Variants in IPO7 observed in about 807,000 individuals in gnomAD.
The protein encoded by IPO7 is importin-7.
A neutral mutation model predicts 136.4 loss-of-function variants in IPO7; 13 were observed. The ratio of observed to expected loss-of-function variants is 0.10; its 90% CI spans 0.06 to 0.15. The LOEUF is 0.15. Among genes scored for constraint, IPO7 ranks in the 10% least tolerant of loss-of-function variants. The pLI is 1.00. For missense variants in IPO7, 857 were observed against 1,240.6 expected (o/e 0.69, Z 4.65); for synonymous variants, 403 against 404.4 (o/e 1.00, Z 0.04).
intron 1 of IPO7, among the ~76,000 whole-genome samples, chr11:9,386,786 ATTAAACTACTGTT>A (rs1306961640): frequency 6.6e-6 from 1 of 152,208 alleles, no homozygotes; most frequent in Admixed American, 6.5e-5. Flanking sequence ...TTACTTAACC[ATTAAACTACTGTT>A]TTGGAATACT....
intron 10 of IPO7, 56 bp from the exon 11 acceptor site, chr11:9,424,843 TTAAGCATGTTTTTTA>T: frequency 2.0e-6 from 2 of 978,948 alleles, no homozygotes; most frequent in Non-Finnish European, 3.2e-6. Context: ...TATGTAAAGA[TTAAGCATGTTTTTTA>T]ATGCTTTGTT....
At chr11:9,428,942 T>C in intron 13 of IPO7, 89 bp from the exon 14 acceptor site, 1 of 1,207,690 alleles carries the variant, frequency 8.3e-7, no homozygotes, top group Non-Finnish European at 1.2e-6. Context: ...AGCCTCCAAA[T>C]TCCCACACAC....
chr11:9,397,341 A>AAAAAAAAAAAAAAATATATATAT, intron 1 of IPO7, among the ~76,000 whole-genome samples: 22 of 10,756 alleles, frequency 2.0e-3, no homozygotes, highest in Non-Finnish European at 2.9e-3. Flanking sequence ...TTTAAAAAAA[A>AAAAAAAAAAAAAAATATATATAT]ATATATATAT....
intron 1 of IPO7, among the ~76,000 whole-genome samples, chr11:9,400,182 G>T (rs1243077087): frequency 1.3e-5 from 2 of 152,056 alleles, no homozygotes; most frequent in South Asian, 2.1e-4. Context: ...TTTTATTGTT[G>T]TATTGTTATT....
At chr11:9,440,687 C>G (rs768405003) in intron 23 of IPO7, 26 bp downstream of exon 23, 1 of 1,493,292 alleles carries the variant, frequency 6.7e-7, no homozygotes, top group East Asian at 2.3e-5. Flanking sequence ...ACATGTGGAT[C>G]CATTTCATTG....
chr11:9,434,861 A>T, intron 18 of IPO7, 73 bp from the exon 19 acceptor site: 1 of 1,045,576 alleles, frequency 9.6e-7, no homozygotes, highest in Non-Finnish European at 1.5e-6. Flanking sequence ...CCTTTTTCTA[A>T]GGAAATTTTT....
At chr11:9,413,458 A>G (rs1012425174) in intron 4 of IPO7, among the ~76,000 whole-genome samples, 14 of 152,142 alleles carry the variant, frequency 9.2e-5, no homozygotes, top group Non-Finnish European at 8.8e-5. Flanking sequence ...GCTACTGTTT[A>G]CGCAAATATA....
Position 9,409,804 on chromosome 11 carries a change from A to T in IPO7, c.321-124A>T, listed in dbSNP as rs149757729. 1.1e-3 allele frequency: 664 copies of T among 622,634 alleles called. 2 individuals are homozygous for T. In the African/African-American group the frequency reaches 0.012, roughly 11 times the overall value. 38.6% of individuals were successfully genotyped at this position (622,634 alleles called of 1,614,324 possible). A position where few individuals can be genotyped will look rare whatever the true frequency, so the allele number is the denominator to read the frequency against. On this transcript the variant is annotated intron_variant, in intron 3 of 24. Coordinates refer to ENST00000379719, the MANE Select transcript of IPO7 (RefSeq NM_006391.3). Reference sequence around the variant, plus strand: ...ATTCTGAATCATATATATTCTGTGTACATCTAAAATCACTGGGTTATTTTG... The same window carrying T: ...ATTCTGAATCATATATATTCTGTGTTCATCTAAAATCACTGGGTTATTTTG...
rs941262469 is a variant in IPO7, at chr11:9,433,953, T to C, written c.2074+107T>C. ...TTTTTTTTTTTTTGAGTCGGAATTT[T>C]GCTCTTGTTGCCCAGGCTGGAGTGC... On this transcript the variant is annotated intron_variant, in intron 18 of 24. Coordinates refer to ENST00000379719, the MANE Select transcript of IPO7 (RefSeq NM_006391.3). 123 of 1,149,660 alleles carry C rather than the reference T, an allele frequency of 1.1e-4. No homozygotes were observed. In the African/African-American group the frequency reaches 1.7e-3, roughly 16 times the overall value. The allele number at this position is 1,149,660 out of a possible 1,614,324, so 71.2% of individuals were successfully genotyped here.
rs202038310 is a variant in IPO7, at chr11:9,438,045, G to GT, written c.2490-3dup. 9.1e-3 allele frequency: 9,873 copies of GT among 1,084,376 alleles called. 298 individuals carry two copies. Among genetic ancestry groups the GT allele is most frequent in the African/African-American group, 0.025 (836 of 33,082 alleles). The allele number at this position is 1,084,376 out of a possible 1,614,324, so 67.2% of individuals were successfully genotyped here. A position where few individuals can be genotyped will look rare whatever the true frequency, so the allele number is the denominator to read the frequency against. ...TCTGCTTATTTAAGAAAAGAAAACA[G>GT]TTTTTTTTTTTTTTTTTTTTTTTTT... On this transcript the variant is annotated intron_variant, in intron 21 of 24. Transcript: ENST00000379719.
chr11:9,385,341 C>T (rs987892475), intron 1 of IPO7, among the ~76,000 whole-genome samples: 2 of 152,304 alleles, frequency 1.3e-5, no homozygotes, highest in African/African-American at 4.8e-5. Flanking sequence ...GATCAGTGGC[C>T]TGCCTCGGGC....
At chr11:9,437,718 T>C in intron 20 of IPO7, 36 bp from the exon 21 acceptor site, 1 of 1,427,486 alleles carries the variant, frequency 7.0e-7, no homozygotes, top group Non-Finnish European at 9.8e-7. Flanking sequence ...TGCTATTAAT[T>C]ATAGTCTTAG....
intron 23 of IPO7, among the ~76,000 whole-genome samples, chr11:9,441,449 C>T (rs554068802): frequency 6.6e-6 from 1 of 152,296 alleles, no homozygotes; most frequent in South Asian, 2.1e-4. Flanking sequence ...TGTTATATAT[C>T]ATTTCCTATG....
At chr11:9,419,990 T>G (rs1223228412) in intron 6 of IPO7, among the ~76,000 whole-genome samples, 1 of 152,168 alleles carries the variant, frequency 6.6e-6, no homozygotes, top group African/African-American at 2.4e-5. Flanking sequence ...TTGATTTAAA[T>G]AGGGTTAATA....
Position 9,404,716 on chromosome 11 carries a change from C to G in IPO7, c.166+1345C>G, listed in dbSNP as rs951978074. On this transcript the variant is annotated intron_variant, in intron 2 of 24. Transcript: ENST00000379719. ...GAGTAGCTGGGACCACAGGCGCCCG[C>G]CACCACACCCGGCTAATTTTTTGTA... is the stretch of plus-strand genomic sequence containing the variant. 3.3e-5 allele frequency among the ~76,000 whole-genome samples: 5 copies of G among 151,652 alleles called. No individual in the cohort carries two copies. The East Asian group carries it at 9.9e-4, about 30-fold the overall frequency.
intron 1 of IPO7, among the ~76,000 whole-genome samples, chr11:9,389,967 G>T (rs985164030): frequency 3.3e-5 from 5 of 152,188 alleles, no homozygotes; most frequent in African/African-American, 1.2e-4. Context: ...ATGTTGGCCA[G>T]CCTGGTCTTG....
At chr11:9,401,694 T>C (rs1267659504) in intron 1 of IPO7, among the ~76,000 whole-genome samples, 3 of 152,188 alleles carry the variant, frequency 2.0e-5, no homozygotes, top group Non-Finnish European at 1.5e-5. Context: ...ATGTGGGAAA[T>C]TCTATTGCAT....
At chr11:9,389,764 CCTT>C (rs1166457388) in intron 1 of IPO7, among the ~76,000 whole-genome samples, 2 of 151,510 alleles carry the variant, frequency 1.3e-5, no homozygotes, top group African/African-American at 2.4e-5. Context: ...TGTATATACA[CCTT>C]TTTTTTTTTT....
chr11:9,398,778 AGTT>A lies in IPO7; in HGVS notation c.85-4505_85-4503del, dbSNP rs372529405. On this transcript the variant is annotated intron_variant, in intron 1 of 24. Coordinates refer to ENST00000379719, the MANE Select transcript of IPO7 (RefSeq NM_006391.3). ...TCTAGCTATTTGAAAATATACAATA[AGTT>A]GTTGTTAATTATGGTTACCCTACAG... 6.0e-3 allele frequency among the ~76,000 whole-genome samples: 910 copies of A among 152,268 alleles called. 17 individuals carry two copies. The highest frequency in any genetic ancestry group is 0.021 in the African/African-American group (864 of 41,542).
Sources: gnomAD v4.1 joint callset for allele counts (sites outside exome capture counted in the v4.1 genomes callset) on GRCh38, gnomAD v4.1.1 for gene constraint, MANE v1.5 for transcripts, NCBI Gene and HGNC (gene_info 2026-07-23, HGNC 2026-07-21) for gene names.